DENND1A: variants seen among roughly 807,000 people sequenced by gnomAD.
The protein encoded by DENND1A is DENN domain containing 1A.
DENND1A carries 51 observed loss-of-function variants against 113.7 expected under a neutral mutation model. The observed-to-expected ratio is 0.45, with a 90% CI of 0.36 to 0.57. The LOEUF is 0.57. Among genes scored for constraint, DENND1A ranks in the 20% least tolerant of loss-of-function variants. The probability of loss-of-function intolerance (pLI) is 0.00; values close to 1 mark genes in which losing one functional copy is unlikely to be tolerated. For synonymous variants in DENND1A, 565 were observed against 570.8 expected (o/e 0.99, Z 0.14); for missense variants, 1,258 against 1,395.9 (o/e 0.90, Z 1.57).
At chr9:123,503,151 T>C (rs1564612996) in intron 13 of DENND1A, among the ~76,000 whole-genome samples, 1 of 152,242 alleles carries the variant, frequency 6.6e-6, no homozygotes, top group Non-Finnish European at 1.5e-5. Flanking sequence ...TACGGCATGC[T>C]ATCTACAGAA....
At chr9:123,580,844 C>G (rs2058854063) in intron 12 of DENND1A, among the ~76,000 whole-genome samples, 1 of 152,182 alleles carries the variant, frequency 6.6e-6, no homozygotes, top group Non-Finnish European at 1.5e-5. Flanking sequence ...TTCCTAAGTT[C>G]TGTCATCTCT....
intron 13 of DENND1A, among the ~76,000 whole-genome samples, chr9:123,546,392 C>CAA (rs374250565): frequency 2.4e-4 from 35 of 147,890 alleles, no homozygotes; most frequent in African/African-American, 6.9e-4. Context: ...ACTAAAAATA[C>CAA]AAAAAAAAAA....
chr9:123,477,350 A>C (rs977207490), intron 13 of DENND1A, among the ~76,000 whole-genome samples: 2 of 151,956 alleles, frequency 1.3e-5, no homozygotes, highest in African/African-American at 4.8e-5. Context: ...CAGGAGTTTG[A>C]GACCAACCTG....
intron 8 of DENND1A, among the ~76,000 whole-genome samples, chr9:123,663,409 A>G (rs1001219873): frequency 1.9e-4 from 29 of 152,138 alleles, no homozygotes; most frequent in Non-Finnish European, 3.4e-4. Context: ...CCTTTAATTA[A>G]TTTATTATTA....
At chr9:123,475,084 T>C (rs2049793307) in intron 13 of DENND1A, among the ~76,000 whole-genome samples, 1 of 152,140 alleles carries the variant, frequency 6.6e-6, no homozygotes, top group South Asian at 2.1e-4. Flanking sequence ...AGTGGCCCGA[T>C]CTCAGCTCAC....
chr9:123,807,699 A>C (rs904679799), intron 2 of DENND1A, among the ~76,000 whole-genome samples: 6 of 152,188 alleles, frequency 3.9e-5, no homozygotes, highest in Admixed American at 6.5e-5. Flanking sequence ...GGATAGATTA[A>C]TTCAGGGGCA....
chr9:123,559,700 C>T (rs1205352010), intron 12 of DENND1A, among the ~76,000 whole-genome samples: 1 of 152,208 alleles, frequency 6.6e-6, no homozygotes, highest in Admixed American at 6.5e-5. Context: ...ATATAAAATT[C>T]ATTCATTTAA....
chr9:123,564,823 T>C (rs552989425), intron 12 of DENND1A, among the ~76,000 whole-genome samples: 27 of 152,282 alleles, frequency 1.8e-4, no homozygotes, highest in African/African-American at 6.0e-4. Flanking sequence ...CTACTACTCA[T>C]CCTTCAGGTC....
chr9:123,675,908 A>G (rs543257846), intron 6 of DENND1A, among the ~76,000 whole-genome samples: 25 of 152,230 alleles, frequency 1.6e-4, no homozygotes, highest in Non-Finnish European at 3.2e-4. Context: ...AAATGAAGAA[A>G]ATGCTTTACC....
rs895957204 is a variant in DENND1A, at chr9:123,611,119, A to C, written c.720-1638T>G. ...ATTCTAGAAGACTTTTGTATTTGAT[A>C]ATAGCTAAAGAAAGAACTATACACA... On this transcript the variant is annotated intron_variant, in intron 10 of 23. Transcript: ENST00000394215. 3.3e-5 allele frequency among the ~76,000 whole-genome samples: 5 copies of C among 152,344 alleles called. No individual in the cohort carries two copies. In the South Asian group the frequency reaches 8.3e-4, roughly 25 times the overall value.
intron 13 of DENND1A, among the ~76,000 whole-genome samples, chr9:123,556,199 G>A (rs2057405027): frequency 6.6e-6 from 1 of 152,220 alleles, no homozygotes; most frequent in African/African-American, 2.4e-5. Flanking sequence ...CTTCTGCTAT[G>A]TGAGCACACA....
Position 123,748,594 on chromosome 9 carries a change from C to A in DENND1A, c.302+9109G>T, listed in dbSNP as rs2069730530. 2.0e-5 allele frequency among the ~76,000 whole-genome samples: 3 copies of A among 152,286 alleles called. No individual in the cohort carries two copies. The South Asian group carries it at 6.2e-4, about 32-fold the overall frequency. The stretch of plus-strand genomic sequence containing the variant: ...ATTCAGACTCCTGTATTCACAAATC[C>A]ATCTTGCTCTTAAGAGTGTAGCTTA... On this transcript the variant is annotated intron_variant, in intron 5 of 23. Transcript: ENST00000394215.
At chr9:123,645,923 G>A (rs1260246538) in intron 9 of DENND1A, among the ~76,000 whole-genome samples, 2 of 152,072 alleles carry the variant, frequency 1.3e-5, no homozygotes, top group Non-Finnish European at 2.9e-5. Flanking sequence ...CTTTGCAAAT[G>A]AACTGTTATC....
chr9:123,623,140 T>TA (rs900219644), intron 10 of DENND1A, among the ~76,000 whole-genome samples: 45 of 149,094 alleles, frequency 3.0e-4, no homozygotes, highest in Middle Eastern at 3.4e-3. Context: ...TCAAGTTAAA[T>TA]AAAAAAAAAA....
chr9:123,926,287 G>C (rs1477954060), intron 1 of DENND1A, among the ~76,000 whole-genome samples: 2 of 152,128 alleles, frequency 1.3e-5, no homozygotes, highest in Admixed American at 1.3e-4. Context: ...ATGAGGCTGG[G>C]CACGGTGGCT....
intron 3 of DENND1A, among the ~76,000 whole-genome samples, chr9:123,777,205 A>AG (rs531544880): frequency 1.3e-5 from 2 of 152,282 alleles, no homozygotes; most frequent in East Asian, 3.9e-4. Context: ...ACCCTCTTTC[A>AG]GGGGGGAAAA....
chr9:123,929,806 C>CCGCGCGG (rs940440802), intron 1 of DENND1A, 83 bp downstream of exon 1: 2 of 178,384 alleles, frequency 1.1e-5, no homozygotes, highest in African/African-American at 4.8e-5. Context: ...AACAAGTCCC[C>CCGCGCGG]CGCGCGGCCC....
At chr9:123,483,558 C>T (rs528017781) in intron 13 of DENND1A, among the ~76,000 whole-genome samples, 3 of 152,366 alleles carry the variant, frequency 2.0e-5, no homozygotes, top group East Asian at 1.9e-4. Flanking sequence ...GCTGACCAGA[C>T]GCATGCACAC....
chr9:123,722,148 G>C (rs531701339), intron 5 of DENND1A, among the ~76,000 whole-genome samples: 1 of 152,298 alleles, frequency 6.6e-6, no homozygotes, highest in East Asian at 1.9e-4. Context: ...AGTGACTCTT[G>C]TTATGTTTTA....
Sources: gnomAD v4.1 joint callset for allele counts (sites outside exome capture counted in the v4.1 genomes callset) on GRCh38, gnomAD v4.1.1 for gene constraint, MANE v1.5 for transcripts, NCBI Gene and HGNC (gene_info 2026-07-23, HGNC 2026-07-21) for gene names.